Variants in SMARCC1 observed in about 807,000 individuals in gnomAD.
SMARCC1 encodes the protein SWI/SNF related BAF chromatin remodeling complex subunit C1, also known as SWI/SNF complex subunit SMARCC1.
A neutral mutation model predicts 147.4 loss-of-function variants in SMARCC1; 43 were observed. The observed-to-expected ratio is 0.29, with a 90% CI of 0.23 to 0.38. The LOEUF (loss-of-function observed/expected upper bound fraction) is 0.38, where lower values mean the gene tolerates loss of function less well. Among genes scored for constraint, SMARCC1 ranks in the 10% least tolerant of loss-of-function variants. SMARCC1 has a pLI of 1.00. For synonymous variants in SMARCC1, 495 were observed against 484.4 expected, an observed-to-expected ratio of 1.02 and a Z score of -0.29; for missense variants, 1,119 against 1,381.1, an observed-to-expected ratio of 0.81 and a Z score of 3.01.
At chr3:47,713,024 A>C (rs2034108557) in intron 8 of SMARCC1, among the ~76,000 whole-genome samples, 1 of 152,186 alleles carries the variant, frequency 6.6e-6, no homozygotes, top group Non-Finnish European at 1.5e-5. Context: ...AAAAATAGTT[A>C]AAAACAGAAA....
chr3:47,765,893 C>T (rs1411652609), intron 2 of SMARCC1, among the ~76,000 whole-genome samples: 3 of 152,058 alleles, frequency 2.0e-5, no homozygotes, highest in Non-Finnish European at 2.9e-5. Flanking sequence ...CCACCACACC[C>T]GGGTAATTTT....
Position 47,585,865 on chromosome 3 carries a change from T to C in SMARCC1, c.*2344A>G, listed in dbSNP as rs1229669712. On this transcript the variant is annotated 3_prime_UTR_variant, in exon 28 of 28. Coordinates refer to ENST00000254480, the MANE Select transcript of SMARCC1 (RefSeq NM_003074.4). ...TTCATAGGATATATGAAGAAACTGGTGTATGAATGCAGAGAATGGGACTAG... is the reference window on the plus strand; with the variant it reads ...TTCATAGGATATATGAAGAAACTGGCGTATGAATGCAGAGAATGGGACTAG... 3 of 152,532 alleles carry C rather than the reference T, an allele frequency of 2.0e-5. No homozygotes were observed. The highest frequency in any genetic ancestry group is 4.4e-5 in the Non-Finnish European group (3 of 68,014). The allele number at this position is 152,532 out of a possible 1,614,324, so 9.4% of individuals were successfully genotyped here.
At chr3:47,609,155 T>C (rs975315678) in intron 26 of SMARCC1, among the ~76,000 whole-genome samples, 9 of 152,202 alleles carry the variant, frequency 5.9e-5, no homozygotes, top group Admixed American at 1.3e-4. Flanking sequence ...CAAATGATAT[T>C]AGGAATTATG....
chr3:47,781,836 G>A lies in SMARCC1; in HGVS notation c.-39C>T. ...CGTCCCCACAGCCTGGCCCACCCCG[G>A]CCCTCGCGGTGTTTCCCGGTCGTTC... On this transcript the variant is annotated 5_prime_UTR_variant, in exon 1 of 28. Transcript: ENST00000254480. 4.7e-6 allele frequency: 6 copies of A among 1,287,392 alleles called. No individual in the cohort carries two copies. The highest frequency in any genetic ancestry group is 4.9e-6 in the Non-Finnish European group (5 of 1,012,648). The allele number at this position is 1,287,392 out of a possible 1,614,324, so 79.7% of individuals were successfully genotyped here. A position where few individuals can be genotyped will look rare whatever the true frequency, so the allele number is the denominator to read the frequency against.
At chr3:47,755,757 C>A (rs541529049) in intron 2 of SMARCC1, among the ~76,000 whole-genome samples, 130 of 151,190 alleles carry the variant, frequency 8.6e-4, no homozygotes, top group African/African-American at 3.0e-3. Flanking sequence ...CTTTGGGAGG[C>A]CGAGGCGGGC....
At chr3:47,768,155 T>C (rs1325507104) in intron 2 of SMARCC1, among the ~76,000 whole-genome samples, 2 of 152,162 alleles carry the variant, frequency 1.3e-5, no homozygotes, top group African/African-American at 2.4e-5. Context: ...TATACCATAC[T>C]GATTACTCAG....
At chr3:47,709,891 C>T (rs561526780) in intron 9 of SMARCC1, among the ~76,000 whole-genome samples, 18 of 152,012 alleles carry the variant, frequency 1.2e-4, no homozygotes, top group Non-Finnish European at 2.5e-4. Flanking sequence ...AGCAACTGAA[C>T]GTCTTAAAAG....
intron 26 of SMARCC1, among the ~76,000 whole-genome samples, chr3:47,591,055 T>C (rs568873863): frequency 4.6e-5 from 7 of 152,212 alleles, no homozygotes; most frequent in Non-Finnish European, 7.4e-5. Flanking sequence ...AATGACTGAT[T>C]ATTCTAAACA....
intron 2 of SMARCC1, among the ~76,000 whole-genome samples, chr3:47,748,603 G>A (rs1408903208): frequency 4.6e-5 from 7 of 152,094 alleles, no homozygotes; most frequent in Non-Finnish European, 7.3e-5. Flanking sequence ...CACAATTCAA[G>A]AGATCTGTGC....
At chr3:47,716,843 T>C (rs368358181) in intron 7 of SMARCC1, among the ~76,000 whole-genome samples, 1 of 152,318 alleles carries the variant, frequency 6.6e-6, no homozygotes, top group South Asian at 2.1e-4. Context: ...AAGCTGGGCC[T>C]AGTCACATGT....
intron 5 of SMARCC1, among the ~76,000 whole-genome samples, chr3:47,732,919 C>A (rs547247597): frequency 1.3e-5 from 2 of 151,304 alleles, no homozygotes; most frequent in South Asian, 4.2e-4. Context: ...ACCAGCCTGG[C>A]CAACACAGTG....
chr3:47,672,392 G>A (rs1300199009), intron 18 of SMARCC1, among the ~76,000 whole-genome samples: 1 of 152,068 alleles, frequency 6.6e-6, no homozygotes, highest in African/African-American at 2.4e-5. Context: ...ATTTTTAGTA[G>A]AGACAGGGTT....
chr3:47,628,253 T>C (rs1337024158), intron 24 of SMARCC1, among the ~76,000 whole-genome samples: 1 of 152,198 alleles, frequency 6.6e-6, no homozygotes, highest in East Asian at 1.9e-4. Context: ...TAACTGCCTT[T>C]GCTTTTGTTT....
chr3:47,731,899 C>A (rs2034378707), intron 5 of SMARCC1, among the ~76,000 whole-genome samples: 1 of 152,176 alleles, frequency 6.6e-6, no homozygotes, highest in Non-Finnish European at 1.5e-5. Flanking sequence ...TGGCAAACGA[C>A]CATTGGCTTC....
At position 47,729,055 on chromosome 3, in the gene SMARCC1, T is replaced by C; in HGVS notation, c.616A>G (p.Ile206Val). The C allele has an allele frequency of 1.9e-6, 3 of 1,612,728 alleles. No individual in the cohort carries two copies. Among genetic ancestry groups the C allele is most frequent in the African/African-American group, 1.3e-5 (1 of 75,024 alleles). The part of the protein sequence containing the change: ...TDEKSKASHH[I>V]YPYSSSQDDE... Reference sequence around the variant, plus strand: ...TCTTGTGAGGAAGAATATGGGTAAATGTGGTGGGAAGCTTTTGACTTCTCA... The same window carrying C: ...TCTTGTGAGGAAGAATATGGGTAAACGTGGTGGGAAGCTTTTGACTTCTCA... Residue 206 changes from isoleucine to valine, a missense_variant, in exon 6 of 28, where the codon ATT becomes GTT. Around this residue, in one of 6 missense-constraint regions of SMARCC1, gnomAD observed 542 missense variants for 611.8 expected, o/e 0.89. Coordinates refer to ENST00000254480, the MANE Select transcript of SMARCC1 (RefSeq NM_003074.4).
intron 1 of SMARCC1, among the ~76,000 whole-genome samples, chr3:47,777,810 G>A (rs761763821): frequency 4.6e-5 from 7 of 151,930 alleles, no homozygotes; most frequent in Admixed American, 4.6e-4. Context: ...TTACAGGTGT[G>A]AGCCACAGCC....
At chr3:47,643,512 T>C (rs2033075832) in intron 21 of SMARCC1, among the ~76,000 whole-genome samples, 1 of 150,326 alleles carries the variant, frequency 6.7e-6, no homozygotes, top group Non-Finnish European at 1.5e-5. Context: ...AAAAACATAA[T>C]ATGGAGTGAA....
Position 47,638,752 on chromosome 3 carries a change from G to A in SMARCC1, c.2349C>T (p.Ala783=), listed in dbSNP as rs142984952. 20 of 1,613,468 alleles carry A rather than the reference G, an allele frequency of 1.2e-5. No homozygotes were observed. The highest frequency in any genetic ancestry group is 2.7e-5 in the African/African-American group (2 of 74,984). The change falls in exon 22 of 28, where the codon GCC becomes GCT. Residue 783 remains alanine (A), a synonymous_variant. Coordinates refer to ENST00000254480, the MANE Select transcript of SMARCC1 (RefSeq NM_003074.4). ...TTTCAGGCTGCTGACCATCAGGGTC[G>A]GCTTCCATTTTTTCCTCTTCAGCTC... is the stretch of plus-strand genomic sequence containing the variant. ...LEGAEEEKME[A]DPDGQQPEKA...
chr3:47,670,279 A>C, intron 19 of SMARCC1: 1 of 191,690 alleles, frequency 5.2e-6, no homozygotes, highest in Non-Finnish European at 1.1e-5. Context: ...TTTAAAACAG[A>C]ATACTATAGG....
Sources: gnomAD v4.1 joint callset for allele counts (sites outside exome capture counted in the v4.1 genomes callset) on GRCh38, gnomAD v4.1.1 for gene constraint, gnomAD v4.1.1 regional missense constraint, MANE v1.5 for transcripts, NCBI Gene and HGNC (gene_info 2026-07-23, HGNC 2026-07-21) for gene names.